Variants in SNX27 observed in about 807,000 individuals in gnomAD.
The protein encoded by SNX27 is sorting nexin 27.
Under a neutral mutation model 71.6 loss-of-function variants are expected in SNX27, and 22 were observed. That is an observed-to-expected ratio of 0.31 (90% confidence interval 0.22 to 0.44). The LOEUF is 0.44. Among genes scored for constraint, SNX27 ranks in the 20% least tolerant of loss-of-function variants. SNX27 has a pLI of 1.00. For missense variants in SNX27, 531 were observed against 698.6 expected (o/e 0.76, Z 2.70); for synonymous variants, 269 against 277.2 (o/e 0.97, Z 0.29).
chr1:151,689,744 G>A (rs1671351440), intron 8 of SNX27, among the ~76,000 whole-genome samples: 1 of 152,202 alleles, frequency 6.6e-6, no homozygotes, highest in South Asian at 2.1e-4. Context: ...TATCGAGCAT[G>A]TAAAGTTTCT....
At position 151,638,925 on chromosome 1, in the gene SNX27, G is replaced by T; in HGVS notation, c.349G>T (p.Val117Leu). ...VNVEGATHKQ[V>L]VDLIRAGEKE... is the part of the protein sequence containing the mutation. The stretch of plus-strand genomic sequence containing the variant: ...TGTTGAGGGGGCGACACACAAGCAG[G>T]TGGTGGACCTGATTCGAGCAGGCGA... The change falls in exon 2 of 12, where the codon GTG (valine) becomes TTG (leucine). Residue 117 changes from valine (V) to leucine (L), a missense_variant. This residue lies in a region of SNX27 where 13 missense variants were observed against 45.6 expected (regional missense o/e 0.28). Coordinates refer to ENST00000458013, the MANE Select transcript of SNX27 (RefSeq NM_001330723.2). 6.2e-7 allele frequency: 1 copy of T among 1,614,144 alleles called. No homozygotes were observed. Among genetic ancestry groups the T allele is most frequent in the Non-Finnish European group, 8.5e-7 (1 of 1,180,030 alleles).
chr1:151,652,204 T>G (rs1471290481), intron 2 of SNX27, among the ~76,000 whole-genome samples: 3 of 26,634 alleles, frequency 1.1e-4, no homozygotes, highest in African/African-American at 3.9e-4. Context: ...AGGGAGACCG[T>G]GGGGAGAGGG....
chr1:151,625,872 T>C (rs868257677), intron 1 of SNX27, among the ~76,000 whole-genome samples: 1 of 150,520 alleles, frequency 6.6e-6, no homozygotes, highest in South Asian at 2.1e-4. Context: ...TGCTTGAGCC[T>C]GGGAGGCAGA....
chr1:151,615,871 GTTTC>G (rs1667402675), intron 1 of SNX27: 3 of 944,768 alleles, frequency 3.2e-6, no homozygotes, highest in African/African-American at 1.8e-5. Context: ...AAGAGCTTCA[GTTTC>G]TTTGTGTTTC....
At chr1:151,693,550 G>A (rs201552539) in intron 11 of SNX27, 67 bp downstream of exon 11, 4 of 1,611,894 alleles carry the variant, frequency 2.5e-6, no homozygotes, top group Non-Finnish European at 3.4e-6. Flanking sequence ...ATAGGCCTGT[G>A]GCCAAATACC....
In SNX27 at chr1:151,692,430, TTTAG is replaced by T; in HGVS notation, c.1240-3_1240del. 1 of 1,496,162 alleles carries T rather than the reference TTTAG, an allele frequency of 6.7e-7. No individual in the cohort carries two copies. The allele number at this position is 1,496,162 out of a possible 1,614,324, so 92.7% of individuals were successfully genotyped here. On this transcript the variant is annotated splice_acceptor_variant and splice_polypyrimidine_tract_variant and intron_variant, in intron 8 of 11. Coordinates refer to ENST00000458013, the MANE Select transcript of SNX27 (RefSeq NM_001330723.2). LOFTEE classifies it high-confidence loss of function. ...CCTTTTTTTTTTTTTTTTTTTTTTT[TTTAG>T]TACCTCAACATGCTAAGGACTTGTG...
intron 5 of SNX27, among the ~76,000 whole-genome samples, chr1:151,663,196 A>G (rs1670041331): frequency 6.7e-6 from 1 of 149,138 alleles, no homozygotes; most frequent in Non-Finnish European, 1.5e-5. Flanking sequence ...TGTCGCCCAG[A>G]CTGGAGTGCA....
At chr1:151,681,645 T>G (rs908394821) in intron 7 of SNX27, among the ~76,000 whole-genome samples, 1 of 152,200 alleles carries the variant, frequency 6.6e-6, no homozygotes, top group African/African-American at 2.4e-5. Flanking sequence ...TGATCTTCCT[T>G]ATTTCATTCT....
At chr1:151,623,735 A>G (rs542549727) in intron 1 of SNX27, among the ~76,000 whole-genome samples, 4 of 152,096 alleles carry the variant, frequency 2.6e-5, no homozygotes, top group Non-Finnish European at 5.9e-5. Context: ...CCTCCAGTAC[A>G]AAGAAGTAAC....
Position 151,692,728 on chromosome 1 carries a change from C to T in SNX27, c.1389+144C>T, listed in dbSNP as rs950041939. 8.5e-5 allele frequency: 118 copies of T among 1,388,392 alleles called. 1 individual carries two copies. Among genetic ancestry groups the T allele is most frequent in the Admixed American group, 1.8e-4 (8 of 45,106 alleles). 86.0% of individuals were successfully genotyped at this position (1,388,392 alleles called of 1,614,324 possible). ...GGCAAATAAACAGGCATGGAATCCA[C>T]ACTGATCCTCAACTTCATTGGCTGC... On this transcript the variant is annotated intron_variant, in intron 9 of 11. Transcript: ENST00000458013.
intron 2 of SNX27, among the ~76,000 whole-genome samples, chr1:151,651,531 G>A (rs1195105547): frequency 2.0e-5 from 3 of 150,260 alleles, no homozygotes; most frequent in South Asian, 2.1e-4. Flanking sequence ...CAGACGGGGC[G>A]GCCGGGCAGA....
chr1:151,640,683 G>A (rs1668683141), intron 2 of SNX27, among the ~76,000 whole-genome samples: 1 of 152,086 alleles, frequency 6.6e-6, no homozygotes, highest in Non-Finnish European at 1.5e-5. Context: ...CCCACTAATT[G>A]TACTTTTCAA....
At chr1:151,661,278 C>T (rs961479974) in intron 4 of SNX27, 1 of 171,372 alleles carries the variant, frequency 5.8e-6, no homozygotes, top group African/African-American at 2.4e-5. Context: ...AGTGCCTTAC[C>T]ACAGCATCAA....
chr1:151,648,767 TC>T (rs1669186905), intron 2 of SNX27, among the ~76,000 whole-genome samples: 2 of 152,238 alleles, frequency 1.3e-5, no homozygotes, highest in African/African-American at 4.8e-5. Context: ...AAATCTAGTT[TC>T]TGTCTGGCAT....
At chr1:151,639,621 C>T (rs958530732) in intron 2 of SNX27, among the ~76,000 whole-genome samples, 13 of 152,090 alleles carry the variant, frequency 8.5e-5, no homozygotes, top group African/African-American at 2.7e-4. Flanking sequence ...TGGAGATATC[C>T]GTGTGAATGA....
chr1:151,655,420 A>T (rs1051472619), intron 2 of SNX27, among the ~76,000 whole-genome samples: 4 of 152,182 alleles, frequency 2.6e-5, no homozygotes, highest in African/African-American at 7.2e-5. Flanking sequence ...AATTCAAGGG[A>T]ACTTAATACA....
At chr1:151,683,274 G>C (rs1571868256) in intron 7 of SNX27, 82 bp from the exon 8 acceptor site, 3 of 1,088,084 alleles carry the variant, frequency 2.8e-6, no homozygotes, top group East Asian at 5.0e-5. Context: ...TTCTGAAAAT[G>C]CGTCTGTGTC....
In SNX27 at chr1:151,698,802, C is replaced by T. The variant is rs963124982; in HGVS notation, c.*4385C>T. ...CTTGGACATTAATTTTATATCATGA[C>T]CCCCTTTTAAGCCAGTGAGCTGGGC... On this transcript the variant is annotated 3_prime_UTR_variant, in exon 12 of 12. Transcript: ENST00000458013. 2.0e-5 allele frequency: 3 copies of T among 152,658 alleles called. No homozygotes were observed. The highest frequency in any genetic ancestry group is 2.9e-5 in the Non-Finnish European group (2 of 68,046). The allele number at this position is 152,658 out of a possible 1,614,324, so 9.5% of individuals were successfully genotyped here.
chr1:151,615,813 G>T, intron 1 of SNX27: 1 of 985,012 alleles, frequency 1.0e-6, no homozygotes, highest in Non-Finnish European at 1.2e-6. Context: ...TGGTGTGAAA[G>T]AACAGAGTAA....
Sources: gnomAD v4.1 joint callset for allele counts (sites outside exome capture counted in the v4.1 genomes callset) on GRCh38, gnomAD v4.1.1 for gene constraint, gnomAD v4.1.1 regional missense constraint, MANE v1.5 for transcripts, NCBI Gene and HGNC (gene_info 2026-07-23, HGNC 2026-07-21) for gene names.